The following DAPP1 variants were observed in gnomAD, a reference collection of about 807,000 sequenced individuals.
DAPP1 encodes the protein dual adaptor of phosphotyrosine and 3-phosphoinositides 1.
A neutral mutation model predicts 41.5 loss-of-function variants in DAPP1; 20 were observed. That is an observed-to-expected ratio of 0.48 (90% CI 0.34 to 0.70). The LOEUF (loss-of-function observed/expected upper bound fraction) is 0.70. Among genes scored for constraint, DAPP1 ranks in the 30% least tolerant of loss-of-function variants. The pLI is 0.01. For synonymous variants in DAPP1, 113 were observed against 116.2 expected, an observed-to-expected ratio of 0.97 and a Z score of 0.18; for missense variants, 233 against 333.4, an observed-to-expected ratio of 0.70 and a Z score of 2.35.
At chr4:99,853,998 AT>A (rs534618169) in intron 4 of DAPP1, among the ~76,000 whole-genome samples, 1 of 152,180 alleles carries the variant, frequency 6.6e-6, no homozygotes, top group African/African-American at 2.4e-5. Flanking sequence ...AAGAAAATAT[AT>A]TTTTTTAAAT....
chr4:99,832,596 A>G (rs1723163639), intron 1 of DAPP1, among the ~76,000 whole-genome samples: 1 of 152,262 alleles, frequency 6.6e-6, no homozygotes, highest in South Asian at 2.1e-4. Context: ...GCTGCCACCA[A>G]GGAATTGCAG....
intron 1 of DAPP1, 23 bp downstream of exon 1, chr4:99,817,037 A>G: frequency 1.3e-6 from 2 of 1,563,564 alleles, no homozygotes; most frequent in Non-Finnish European, 1.7e-6. Flanking sequence ...ATCTCCTTTC[A>G]AAGTACCTAG....
Position 99,868,522 on chromosome 4 carries a change from T to C in DAPP1, c.*337T>C, listed in dbSNP as rs1472003813. ...TGGTCCCCAAGCCTATTGACACTAGTTGCCTAGAGTCCCACTGTGAGTCAT... is the reference window on the plus strand; with the variant it reads ...TGGTCCCCAAGCCTATTGACACTAGCTGCCTAGAGTCCCACTGTGAGTCAT... On this transcript the variant is annotated 3_prime_UTR_variant, in exon 9 of 9. Coordinates refer to ENST00000512369, the MANE Select transcript of DAPP1 (RefSeq NM_014395.3). 3 of 228,894 alleles carry C rather than the reference T, an allele frequency of 1.3e-5. No individual in the cohort carries two copies. Among genetic ancestry groups the C allele is most frequent in the Non-Finnish European group, 2.6e-5 (3 of 114,134 alleles). The allele number at this position is 228,894 out of a possible 1,614,324, so 14.2% of individuals were successfully genotyped here. A position where few individuals can be genotyped will look rare whatever the true frequency, so the allele number is the denominator to read the frequency against.
At chr4:99,828,251 T>C (rs1723008373) in intron 1 of DAPP1, among the ~76,000 whole-genome samples, 1 of 152,192 alleles carries the variant, frequency 6.6e-6, no homozygotes, top group African/African-American at 2.4e-5. Context: ...GTACAACCCG[T>C]TAGTAGGCTT....
chr4:99,868,671 G>GT lies in DAPP1; in HGVS notation c.*497dup, dbSNP rs140645784. On this transcript the variant is annotated 3_prime_UTR_variant, in exon 9 of 9. Transcript: ENST00000512369. ...AACATCAAATATTTTCAGGGGAGAG[G>GT]TTTTTTTTTTTAATTTTTCCCCCTT... is the stretch of plus-strand genomic sequence containing the variant. 16,290 of 144,256 alleles carry GT rather than the reference G, an allele frequency of 0.11. 972 individuals are homozygous for GT. The highest frequency in any genetic ancestry group is 0.24 in the East Asian group (1,208 of 5,016). The allele number at this position is 144,256 out of a possible 1,614,324, so 8.9% of individuals were successfully genotyped here. A position where few individuals can be genotyped will look rare whatever the true frequency, so the allele number is the denominator to read the frequency against.
rs547427597 is a variant in DAPP1, at chr4:99,847,861, TGGA to T, written c.359-5355_359-5353del. Reference sequence around the variant, plus strand: ...ACAGAGTCTCACTCTGTTGCCAGGCTGGAGTACAGTGGCGCCATCTCGGCTCAC... The same window carrying T: ...ACAGAGTCTCACTCTGTTGCCAGGCTGTACAGTGGCGCCATCTCGGCTCAC... On this transcript the variant is annotated intron_variant, in intron 3 of 8. Transcript: ENST00000512369. 4.7e-4 allele frequency among the ~76,000 whole-genome samples: 71 copies of T among 152,286 alleles called. 2 individuals are homozygous for T. The East Asian group carries it at 0.013, about 27-fold the overall frequency.
chr4:99,832,290 G>A (rs1723152681), intron 1 of DAPP1, among the ~76,000 whole-genome samples: 1 of 152,206 alleles, frequency 6.6e-6, no homozygotes, highest in African/African-American at 2.4e-5. Flanking sequence ...TATGGACACA[G>A]TCTTGAATCA....
intron 3 of DAPP1, among the ~76,000 whole-genome samples, chr4:99,852,492 C>G (rs893490635): frequency 9.2e-5 from 14 of 152,168 alleles, no homozygotes; most frequent in African/African-American, 3.4e-4. Context: ...CCCCAGCCCC[C>G]CATGCCTGGA....
Position 99,865,934 on chromosome 4 carries a change from A to T in DAPP1, c.687-100A>T, listed in dbSNP as rs56075515. The stretch of plus-strand genomic sequence containing the variant: ...ATATATATATATATATAATATATAT[A>T]ATATATTATATTATATATTATATTA... On this transcript the variant is annotated intron_variant, in intron 7 of 8. Coordinates refer to ENST00000512369, the MANE Select transcript of DAPP1 (RefSeq NM_014395.3). 5.7e-4 allele frequency: 46 copies of T among 80,834 alleles called. 1 individual carries two copies. The highest frequency in any genetic ancestry group is 2.5e-3 in the Admixed American group (15 of 6,084). The allele number at this position is 80,834 out of a possible 1,614,324, so 5.0% of individuals were successfully genotyped here.
intron 1 of DAPP1, among the ~76,000 whole-genome samples, chr4:99,817,846 AT>A (rs1722642353): frequency 6.6e-6 from 1 of 152,224 alleles, no homozygotes; most frequent in African/African-American, 2.4e-5. Context: ...GCCTGGACAA[AT>A]AGCTCTAACT....
chr4:99,849,797 C>T (rs1186098505), intron 3 of DAPP1, among the ~76,000 whole-genome samples: 1 of 152,084 alleles, frequency 6.6e-6, no homozygotes, highest in African/African-American at 2.4e-5. Flanking sequence ...TAAGTAAGAC[C>T]ACTGTAATTG....
intron 4 of DAPP1, among the ~76,000 whole-genome samples, chr4:99,857,548 T>A (rs1174535427): frequency 6.6e-6 from 1 of 152,196 alleles, no homozygotes; most frequent in Non-Finnish European, 1.5e-5. Flanking sequence ...TATTCCGTAA[T>A]CTTTGACACA....
intron 1 of DAPP1, among the ~76,000 whole-genome samples, chr4:99,824,760 A>G (rs969359138): frequency 6.6e-6 from 1 of 152,108 alleles, no homozygotes; most frequent in Non-Finnish European, 1.5e-5. Flanking sequence ...TCTTAAGAGA[A>G]CCTCTGATTT....
At chr4:99,847,139 T>C (rs1029038227) in intron 3 of DAPP1, among the ~76,000 whole-genome samples, 5 of 152,158 alleles carry the variant, frequency 3.3e-5, no homozygotes, top group Non-Finnish European at 5.9e-5. Flanking sequence ...GAAAGATAAA[T>C]CAGATATTAT....
chr4:99,866,766 ATTTTT>A (rs11315402), intron 8 of DAPP1: 1,359 of 370,750 alleles, frequency 3.7e-3, no homozygotes, highest in East Asian at 8.5e-3. Flanking sequence ...CTTTTTTTCT[ATTTTT>A]TTTTTTTTTT....
At chr4:99,870,765 A>AT (rs546992057), downstream of DAPP1, among the ~76,000 whole-genome samples, 40 of 152,308 alleles carry the variant, frequency 2.6e-4, 2 homozygotes, top group South Asian at 7.2e-3. Flanking sequence ...TATTCTCAGA[A>AT]TTCCCTCTGG....
intron 3 of DAPP1, among the ~76,000 whole-genome samples, chr4:99,841,072 A>C (rs1023412069): frequency 2.6e-5 from 4 of 152,238 alleles, no homozygotes; most frequent in African/African-American, 4.8e-5. Flanking sequence ...GTAAAATATC[A>C]TCCCTGTATT....
intron 3 of DAPP1, among the ~76,000 whole-genome samples, chr4:99,847,692 A>T (rs1162257776): frequency 6.6e-6 from 1 of 152,082 alleles, no homozygotes; most frequent in Non-Finnish European, 1.5e-5. Context: ...CCTGGAGTTC[A>T]TTTGGTCTGA....
chr4:99,852,731 A>G (rs1163334688), intron 3 of DAPP1, among the ~76,000 whole-genome samples: 2 of 152,184 alleles, frequency 1.3e-5, no homozygotes, highest in African/African-American at 4.8e-5. Flanking sequence ...GATTGATAGG[A>G]AATAAGGGCA....
Sources: allele counts gnomAD v4.1 joint callset (sites outside exome capture counted in the v4.1 genomes callset), GRCh38; gene constraint gnomAD v4.1.1; transcripts MANE v1.5; gene names NCBI Gene and HGNC (gene_info 2026-07-23, HGNC 2026-07-21).